The following DPP6 variants were observed in gnomAD, a reference collection of about 807,000 sequenced individuals.
The protein encoded by DPP6 is A-type potassium channel modulatory protein DPP6.
In DPP6, 69 loss-of-function variants were observed where a neutral mutation model predicts 122.6. That is an observed-to-expected ratio of 0.56 (90% confidence interval 0.46 to 0.69). The LOEUF (loss-of-function observed/expected upper bound fraction) is 0.69. Ranked by LOEUF, DPP6 falls within the 30% of genes least tolerant of loss-of-function variation. The pLI is 0.00. For missense variants in DPP6, 928 were observed against 1,116.9 expected, an observed-to-expected ratio of 0.83 and a Z score of 2.41; for synonymous variants, 418 against 433.1, an observed-to-expected ratio of 0.97 and a Z score of 0.43.
chr7:154,741,212 T>C (rs917411965), intron 8 of DPP6, among the ~76,000 whole-genome samples: 21 of 152,334 alleles, frequency 1.4e-4, no homozygotes, highest in Admixed American at 1.4e-3. Context: ...TTATCTGAAG[T>C]GATCATTGCA....
At chr7:154,784,627 G>T (rs144426521) in intron 10 of DPP6, among the ~76,000 whole-genome samples, 1 of 152,124 alleles carries the variant, frequency 6.6e-6, no homozygotes, top group African/African-American at 2.4e-5. Context: ...GAATATACGT[G>T]AGACCCTTAC....
rs559668102 is a variant in DPP6, at chr7:154,665,782, C to G, written c.681-3578C>G. On this transcript the variant is annotated intron_variant, in intron 6 of 25. Coordinates refer to ENST00000377770, the MANE Select transcript of DPP6 (RefSeq NM_130797.4). ...ATCTGTGTACATAGAGATTAAAAAC[C>G]ATGAGTTTATACAGATACCTCTGAT... Among the ~76,000 whole-genome samples, 3 of 152,172 alleles carry G rather than the reference C, an allele frequency of 2.0e-5. No homozygotes were observed. In the East Asian group the frequency reaches 5.8e-4, roughly 29 times the overall value.
chr7:154,548,165 C>T (rs910799340), intron 4 of DPP6, among the ~76,000 whole-genome samples: 6 of 152,074 alleles, frequency 3.9e-5, no homozygotes, highest in Admixed American at 6.5e-5. Context: ...GCAGAGAACA[C>T]GCCACTGTAC....
rs143944650 is a variant in DPP6, at chr7:154,324,867, A to ATTTTTTT, written c.244-121337_244-121331dup. ...TCTTTCTTTCTTCTTTCCTTTTGTT[A>ATTTTTTT]TTTTTTTTTTTTTTTTGAGTCTTGC... is the stretch of plus-strand genomic sequence containing the variant. On this transcript the variant is annotated intron_variant, in intron 1 of 25. Transcript: ENST00000377770. Among the ~76,000 whole-genome samples, 210 of 113,064 alleles carry ATTTTTTT rather than the reference A, an allele frequency of 1.9e-3. 5 individuals carry two copies. The highest frequency in any genetic ancestry group is 5.7e-3 in the African/African-American group (169 of 29,584). 74.2% of individuals were successfully genotyped at this position (113,064 alleles called of 152,430 possible).
At chr7:153,981,808 G>A (rs1468134868) in intron 1 of DPP6, among the ~76,000 whole-genome samples, 1 of 151,868 alleles carries the variant, frequency 6.6e-6, no homozygotes, top group African/African-American at 2.4e-5. Context: ...ACAAAGCTTA[G>A]TTTGGCAGGA....
chr7:154,096,881 C>T (rs1409062312), intron 1 of DPP6, among the ~76,000 whole-genome samples: 3 of 152,078 alleles, frequency 2.0e-5, no homozygotes, highest in Non-Finnish European at 4.4e-5. Context: ...CAAAGGTCAA[C>T]GTGATTTATA....
chr7:154,077,975 TTATAGA>T (rs1216650626), intron 1 of DPP6, among the ~76,000 whole-genome samples: 32 of 152,238 alleles, frequency 2.1e-4, no homozygotes, highest in Non-Finnish European at 3.4e-4. Flanking sequence ...GGCCAATAGA[TTATAGA>T]TATAATTTTT....
At chr7:154,794,448 C>T (rs560807872) in intron 11 of DPP6, among the ~76,000 whole-genome samples, 1 of 152,228 alleles carries the variant, frequency 6.6e-6, no homozygotes, top group African/African-American at 2.4e-5. Context: ...CCGTGCCTGG[C>T]ACCTGGACGC....
At chr7:153,897,408 C>G (rs974025862) in intron 1 of DPP6, among the ~76,000 whole-genome samples, 1 of 152,196 alleles carries the variant, frequency 6.6e-6, no homozygotes, top group Non-Finnish European at 1.5e-5. Context: ...TGGAACACAT[C>G]CAAGGACTGG....
At chr7:154,220,121 A>G (rs1414276887) in intron 1 of DPP6, among the ~76,000 whole-genome samples, 2 of 152,198 alleles carry the variant, frequency 1.3e-5, no homozygotes, top group Non-Finnish European at 2.9e-5. Flanking sequence ...CAAAATGCCT[A>G]TGTTGGCACT....
At chr7:154,030,674 A>G (rs1297866516) in intron 1 of DPP6, among the ~76,000 whole-genome samples, 1 of 151,920 alleles carries the variant, frequency 6.6e-6, no homozygotes, top group Non-Finnish European at 1.5e-5. Context: ...CAGCTTCCCC[A>G]TTGGATCTGA....
chr7:154,216,490 C>T (rs983095974), intron 1 of DPP6, among the ~76,000 whole-genome samples: 1 of 152,150 alleles, frequency 6.6e-6, no homozygotes, highest in Non-Finnish European at 1.5e-5. Flanking sequence ...TAGGGCAGGG[C>T]CTTCAGGAGC....
the DPP6 span, among the ~76,000 whole-genome samples, chr7:153,837,932 C>T: frequency 6.0e-5 from 9 of 150,182 alleles, no homozygotes; most frequent in African/African-American, 2.2e-4. Flanking sequence ...CCTTGGCCTC[C>T]CAAAGTGCCG....
chr7:153,897,430 A>C (rs1001909541), intron 1 of DPP6, among the ~76,000 whole-genome samples: 1 of 152,238 alleles, frequency 6.6e-6, no homozygotes, highest in African/African-American at 2.4e-5. Flanking sequence ...AACTTGTGCC[A>C]TTGTTGACAA....
intron 7 of DPP6, among the ~76,000 whole-genome samples, chr7:154,720,969 A>G (rs1026321748): frequency 6.6e-5 from 10 of 152,192 alleles, no homozygotes; most frequent in African/African-American, 2.4e-4. Context: ...CGCAGCTGCC[A>G]TGTCTGCTGG....
At chr7:154,861,866 T>C (rs759446122) in intron 17 of DPP6, among the ~76,000 whole-genome samples, 2 of 152,214 alleles carry the variant, frequency 1.3e-5, no homozygotes, top group African/African-American at 4.8e-5. Flanking sequence ...GTAGAATGTC[T>C]GAAAATGTGT....
chr7:154,846,163 T>C (rs1281317796), intron 16 of DPP6, among the ~76,000 whole-genome samples: 1 of 151,018 alleles, frequency 6.6e-6, no homozygotes, highest in East Asian at 1.9e-4. Context: ...TTAATTTATT[T>C]TTTATTGAGG....
chr7:154,683,150 GT>G (rs1239850487), intron 7 of DPP6, among the ~76,000 whole-genome samples: 1 of 152,092 alleles, frequency 6.6e-6, no homozygotes, highest in East Asian at 1.9e-4. Context: ...GCCAGGAACT[GT>G]TTGAAATATG....
At position 154,707,653 on chromosome 7, in the gene DPP6, C is replaced by T. The variant is rs79391969; in HGVS notation, c.763-20114C>T. Among the ~76,000 whole-genome samples the T allele has an allele frequency of 9.2e-3, 1,394 of 152,304 alleles. 16 individuals carry two copies. The highest frequency in any genetic ancestry group is 0.03 in the African/African-American group (1,245 of 41,560). ...GAATCTTAAACCTCTCATTGATCAACAGCTTTGACATCTCCTCTGTATTAG... is the reference window on the plus strand; with the variant it reads ...GAATCTTAAACCTCTCATTGATCAATAGCTTTGACATCTCCTCTGTATTAG... On this transcript the variant is annotated intron_variant, in intron 7 of 25. Coordinates refer to ENST00000377770, the MANE Select transcript of DPP6 (RefSeq NM_130797.4).
Sources: allele counts gnomAD v4.1 joint callset (sites outside exome capture counted in the v4.1 genomes callset), GRCh38; gene constraint gnomAD v4.1.1; transcripts MANE v1.5; gene names NCBI Gene and HGNC (gene_info 2026-07-23, HGNC 2026-07-21).